Variants in MSH4 observed in about 807,000 individuals in gnomAD.
MSH4 encodes mutS homolog 4.
MSH4 carries 106 observed loss-of-function variants against 113.7 expected under a neutral mutation model. The ratio of observed to expected loss-of-function variants is 0.93; its 90% CI spans 0.80 to 1.10. The LOEUF is 1.10. Ranked by LOEUF, MSH4 falls within the 50% of genes least tolerant of loss-of-function variation. The pLI is 0.00. For synonymous variants in MSH4, 368 were observed against 380.2 expected, an observed-to-expected ratio of 0.97 and a Z score of 0.37; for missense variants, 1,061 against 1,093.7, an observed-to-expected ratio of 0.97 and a Z score of 0.42.
chr1:75,799,799 GGTA>G (rs1166478965), intron 1 of MSH4, among the ~76,000 whole-genome samples: 3 of 152,134 alleles, frequency 2.0e-5, no homozygotes, highest in African/African-American at 4.8e-5. Context: ...CTGGATAGAT[GGTA>G]GTAGTATTTT....
At chr1:75,908,929 A>T (rs1652729260) in intron 19 of MSH4, among the ~76,000 whole-genome samples, 4 of 152,170 alleles carry the variant, frequency 2.6e-5, no homozygotes, top group Admixed American at 2.6e-4. Flanking sequence ...AGGGGTTTAT[A>T]CCCAGATGAC....
At chr1:75,883,522 G>A (rs5745482) in intron 14 of MSH4, 99 bp from the exon 15 acceptor site, 29,900 of 908,396 alleles carry the variant, frequency 0.033, 824 homozygotes, top group African/African-American at 0.12. Context: ...AAATTGACCA[G>A]TGTGAAAATC....
At chr1:75,896,346 AACACACACACACACACACAC>A (rs4035039) in intron 17 of MSH4, among the ~76,000 whole-genome samples, 7,175 of 137,220 alleles carry the variant, frequency 0.052, 514 homozygotes, top group African/African-American at 0.16. Flanking sequence ...ACACACATAC[AACACACACACACACACACAC>A]ACACACACAC....
chr1:75,835,331 A>G (rs1223997193), intron 7 of MSH4, among the ~76,000 whole-genome samples: 1 of 152,084 alleles, frequency 6.6e-6, no homozygotes, highest in Non-Finnish European at 1.5e-5. Flanking sequence ...TGTATTTAGT[A>G]TTGGGAAAGG....
chr1:75,878,947 T>G, intron 11 of MSH4, 45 bp from the exon 12 acceptor site: 1 of 1,538,944 alleles, frequency 6.5e-7, no homozygotes, highest in Non-Finnish European at 8.9e-7. Context: ...CATTAAAATT[T>G]ATTCATTTTG....
chr1:75,867,502 T>C lies in MSH4; in HGVS notation c.1231-12T>C. 6.4e-7 allele frequency: 1 copy of C among 1,555,138 alleles called. No homozygotes were observed. Among genetic ancestry groups the C allele is most frequent in the Non-Finnish European group, 8.8e-7 (1 of 1,140,466 alleles). ...ATGGTGTCCATCCAAATTTGGGTTT[T>C]TATCTTAACAGGTCAATGCTGCTGA... On this transcript the variant is annotated splice_polypyrimidine_tract_variant and intron_variant, in intron 8 of 19. Transcript: ENST00000263187.
chr1:75,862,238 T>C (rs7549863), intron 8 of MSH4, among the ~76,000 whole-genome samples: 114,584 of 152,158 alleles, frequency 0.75, 43,291 homozygotes, highest in East Asian at 0.98. Context: ...CCTTGTGCTT[T>C]CCGGGTGAGG....
At chr1:75,877,072 C>G in intron 10 of MSH4, 72 bp downstream of exon 10, 1 of 996,754 alleles carries the variant, frequency 1.0e-6, no homozygotes, top group Non-Finnish European at 1.5e-6. Context: ...ATTTTAAAGA[C>G]TCTAATTGTA....
At chr1:75,860,161 C>A (rs1242004501) in intron 8 of MSH4, among the ~76,000 whole-genome samples, 1 of 151,966 alleles carries the variant, frequency 6.6e-6, no homozygotes, top group African/African-American at 2.4e-5. Flanking sequence ...TGTGTCTTTG[C>A]ATGTGTGATG....
chr1:75,873,849 T>C (rs1651762626), intron 9 of MSH4, among the ~76,000 whole-genome samples: 1 of 152,180 alleles, frequency 6.6e-6, no homozygotes, highest in African/African-American at 2.4e-5. Context: ...TTCCATGTCT[T>C]TGCTATATTG....
chr1:75,898,279 A>G (rs1387635850), intron 18 of MSH4, among the ~76,000 whole-genome samples, 198 bp downstream of exon 18: 1 of 151,992 alleles, frequency 6.6e-6, no homozygotes, highest in Non-Finnish European at 1.5e-5. Context: ...ATCTTTTTAA[A>G]TTTTTATAAG....
At chr1:75,846,211 T>C (rs1371916241) in intron 7 of MSH4, among the ~76,000 whole-genome samples, 2 of 152,238 alleles carry the variant, frequency 1.3e-5, no homozygotes, top group Admixed American at 6.5e-5. Flanking sequence ...GGGGTCATTC[T>C]CATTGTTTTC....
chr1:75,860,377 G>C (rs1461816143), intron 8 of MSH4, among the ~76,000 whole-genome samples: 2 of 152,052 alleles, frequency 1.3e-5, no homozygotes, highest in Non-Finnish European at 2.9e-5. Flanking sequence ...TTACAATTTG[G>C]CATGTGTTTG....
chr1:75,849,537 G>A lies in MSH4; in HGVS notation c.1230+1261G>A, dbSNP rs184214263. ...TGTATTATAAAGAAAATACTCTTAA[G>A]GTTCATTTATAATAAAATCATCACT... On this transcript the variant is annotated intron_variant, in intron 8 of 19. Coordinates refer to ENST00000263187, the MANE Select transcript of MSH4 (RefSeq NM_002440.4). Among the ~76,000 whole-genome samples the A allele has an allele frequency of 9.5e-3, 1,338 of 140,972 alleles. 13 individuals carry two copies. Among genetic ancestry groups the A allele is most frequent in the Non-Finnish European group, 0.014 (865 of 62,624 alleles). The allele number at this position is 140,972 out of a possible 152,430, so 92.5% of individuals were successfully genotyped here.
chr1:75,906,385 TTAAG>T (rs1652630642), intron 19 of MSH4, among the ~76,000 whole-genome samples: 2 of 128,076 alleles, frequency 1.6e-5, no homozygotes, highest in Admixed American at 2.0e-4. Context: ...TCCTTTTTGA[TTAAG>T]TAATTTTTTC....
intron 7 of MSH4, among the ~76,000 whole-genome samples, chr1:75,846,707 A>G (rs1451171761): frequency 6.6e-6 from 1 of 152,018 alleles, no homozygotes; most frequent in East Asian, 1.9e-4. Context: ...CTTTCCTTAC[A>G]TTTCTTTCCT....
At position 75,807,108 on chromosome 1, in the gene MSH4, A is replaced by G. The variant is rs190849014; in HGVS notation, c.555A>G (p.Leu185=). The change falls in exon 3 of 20, where the codon CTA becomes CTG. Residue 185 remains leucine, a synonymous_variant. Transcript: ENST00000263187. ...SIDLKNPQII[L]SQFADNTTYA... is the part of the protein sequence containing the mutation. ...ATTTAAAAAACCCCCAAATTATACTATCCCAGTTTGCAGACAACACAACAT... is the reference window on the plus strand; with the variant it reads ...ATTTAAAAAACCCCCAAATTATACTGTCCCAGTTTGCAGACAACACAACAT... 1.4e-5 allele frequency: 22 copies of G among 1,573,666 alleles called. No individual in the cohort carries two copies. The African/African-American group carries it at 2.5e-4, about 18-fold the overall frequency.
At chr1:75,902,791 C>T (rs1652539517) in intron 19 of MSH4, among the ~76,000 whole-genome samples, 1 of 129,078 alleles carries the variant, frequency 7.7e-6, no homozygotes, top group South Asian at 2.5e-4. Flanking sequence ...ACATTCCCAC[C>T]ACCTGTTGGC....
chr1:75,882,187 T>G (rs559996232), intron 14 of MSH4, among the ~76,000 whole-genome samples: 109 of 152,246 alleles, frequency 7.2e-4, no homozygotes, highest in African/African-American at 2.5e-3. Flanking sequence ...AAAACTCTAC[T>G]TTAGGGGTCA....
Sources: gnomAD v4.1 joint callset for allele counts (sites outside exome capture counted in the v4.1 genomes callset) on GRCh38, gnomAD v4.1.1 for gene constraint, MANE v1.5 for transcripts, NCBI Gene and HGNC (gene_info 2026-07-23, HGNC 2026-07-21) for gene names.